The following KANSL1L variants were observed in gnomAD, a reference collection of about 807,000 sequenced individuals.
KANSL1L encodes the protein KAT8 regulatory NSL complex subunit 1-like protein.
KANSL1L carries 25 observed loss-of-function variants against 108.6 expected under a neutral mutation model. That is an observed-to-expected ratio of 0.23 (90% CI 0.17 to 0.32). KANSL1L has a LOEUF of 0.32. Ranked by LOEUF, KANSL1L falls within the 10% of genes least tolerant of loss-of-function variation. KANSL1L has a pLI of 1.00. For synonymous variants in KANSL1L, 405 were observed against 395.1 expected, an observed-to-expected ratio of 1.03 and a Z score of -0.30; for missense variants, 1,137 against 1,125.7, an observed-to-expected ratio of 1.01 and a Z score of -0.14.
intron 2 of KANSL1L, among the ~76,000 whole-genome samples, chr2:210,147,297 A>C (rs1365874493): frequency 6.6e-6 from 1 of 152,078 alleles, no homozygotes; most frequent in East Asian, 1.9e-4. Context: ...TTGTCTCTAC[A>C]AAAAAATTTT....
At chr2:210,050,878 G>T (rs965601829) in intron 6 of KANSL1L, among the ~76,000 whole-genome samples, 1 of 151,862 alleles carries the variant, frequency 6.6e-6, no homozygotes, top group Non-Finnish European at 1.5e-5. Context: ...TGAGTAGCTG[G>T]GACTATAGGT....
At position 210,135,580 on chromosome 2, in the gene KANSL1L, C is replaced by G. The variant is rs546076262; in HGVS notation, c.1089-6408G>C. 3.8e-4 allele frequency among the ~76,000 whole-genome samples: 58 copies of G among 152,158 alleles called. 1 individual carries two copies. In the South Asian group the frequency reaches 0.011, roughly 29 times the overall value. On this transcript the variant is annotated intron_variant, in intron 2 of 14. Transcript: ENST00000281772. ...GGCCATTATAAATGATTGGGTTTAT[C>G]ATTAAAAATGACTGAATATGGAAAT...
At chr2:210,026,223 C>CTGGACATAGAAAGATTGTTA (rs2093935038) in intron 12 of KANSL1L, among the ~76,000 whole-genome samples, 1 of 152,158 alleles carries the variant, frequency 6.6e-6, no homozygotes, top group Non-Finnish European at 1.5e-5. Flanking sequence ...AACATGACCA[C>CTGGACATAGAAAGATTGTTA]TGGACATAGA....
At chr2:210,107,278 G>A (rs1180408623) in intron 3 of KANSL1L, among the ~76,000 whole-genome samples, 1 of 151,962 alleles carries the variant, frequency 6.6e-6, no homozygotes, top group Admixed American at 6.6e-5. Flanking sequence ...AATTTAAAAT[G>A]TGGAAGCCCC....
chr2:210,081,219 A>ATAT lies in KANSL1L; in HGVS notation c.1551-5466_1551-5464dup, dbSNP rs562780165. Among the ~76,000 whole-genome samples the ATAT allele has an allele frequency of 4.6e-5, 7 of 152,224 alleles. No individual in the cohort carries two copies. The East Asian group carries it at 1.4e-3, about 29-fold the overall frequency. On this transcript the variant is annotated intron_variant, in intron 5 of 14. Coordinates refer to ENST00000281772, the MANE Select transcript of KANSL1L (RefSeq NM_152519.4). ...CAACCTTGACCCAAATAAAGTCTCTATATTAATTCTGCCTCATTTTCTTTC... is the reference window on the plus strand; with the variant it reads ...CAACCTTGACCCAAATAAAGTCTCTATATTATTAATTCTGCCTCATTTTCTTTC...
chr2:210,036,387 G>T (rs1032518241), intron 8 of KANSL1L, among the ~76,000 whole-genome samples: 2 of 151,858 alleles, frequency 1.3e-5, no homozygotes, highest in Non-Finnish European at 2.9e-5. Flanking sequence ...TTACCATGTT[G>T]CCCAGGCTGG....
At chr2:210,119,117 G>A (rs578193671) in intron 3 of KANSL1L, among the ~76,000 whole-genome samples, 1 of 152,012 alleles carries the variant, frequency 6.6e-6, no homozygotes, top group East Asian at 1.9e-4. Flanking sequence ...CTGGGAGGCG[G>A]AGGTTGCAGT....
At chr2:210,160,050 A>G (rs1405335084) in intron 1 of KANSL1L, among the ~76,000 whole-genome samples, 1 of 152,194 alleles carries the variant, frequency 6.6e-6, no homozygotes, top group Non-Finnish European at 1.5e-5. Context: ...AAAAGAAAAC[A>G]ATAACTAAAA....
intron 13 of KANSL1L, 103 bp downstream of exon 13, chr2:210,025,001 A>T (rs1173763195): frequency 2.7e-6 from 2 of 736,092 alleles, no homozygotes; most frequent in Admixed American, 3.9e-5. Flanking sequence ...CTGATGTTAC[A>T]ACAGCATGTT....
At chr2:210,109,293 T>G (rs1047025750) in intron 3 of KANSL1L, among the ~76,000 whole-genome samples, 1 of 152,142 alleles carries the variant, frequency 6.6e-6, no homozygotes, top group Non-Finnish European at 1.5e-5. Context: ...AGATAGAGCC[T>G]AAAATTTATT....
At chr2:210,078,099 C>T (rs1019484940) in intron 5 of KANSL1L, among the ~76,000 whole-genome samples, 5 of 152,254 alleles carry the variant, frequency 3.3e-5, no homozygotes, top group Admixed American at 1.3e-4. Flanking sequence ...AGGCTACAAA[C>T]CTGTAAAACA....
chr2:210,076,630 C>T (rs926336415), intron 5 of KANSL1L, among the ~76,000 whole-genome samples: 1 of 151,632 alleles, frequency 6.6e-6, no homozygotes, highest in African/African-American at 2.4e-5. Context: ...AAATAGATCA[C>T]CTAAGCTACA....
At chr2:210,138,400 C>T (rs773881486) in intron 2 of KANSL1L, among the ~76,000 whole-genome samples, 3 of 151,892 alleles carry the variant, frequency 2.0e-5, no homozygotes, top group Non-Finnish European at 4.4e-5. Context: ...ATCAATCAGA[C>T]CCCAAACTTC....
intron 2 of KANSL1L, among the ~76,000 whole-genome samples, chr2:210,132,567 A>C (rs1306477384): frequency 2.6e-5 from 4 of 152,216 alleles, no homozygotes; most frequent in Non-Finnish European, 5.9e-5. Flanking sequence ...TTGCTAAAAG[A>C]AATGAGTACA....
At position 210,044,094 on chromosome 2, in the gene KANSL1L, G is replaced by A; in HGVS notation, c.1766C>T (p.Ser589Leu). The change falls in exon 7 of 15, where the codon TCA (serine) becomes TTA (leucine). Residue 589 changes from serine to leucine, a missense_variant. Physicochemically the swap from Ser to Leu is moderately radical, Grantham distance 145. Coordinates refer to ENST00000281772, the MANE Select transcript of KANSL1L (RefSeq NM_152519.4). This position sits in a 1 kb window ranked among gnomAD's most constrained non-coding sequence, Gnocchi z 4.2. ...TFYWTPQTLP[S>L]KETAFLNTTQ... ...AGTGTTTAAAAATGCTGTTTCTTTT[G>A]AAGGCAAAGTCTGCAAGGAAAAACC... 6.3e-7 allele frequency: 1 copy of A among 1,581,604 alleles called. No individual in the cohort carries two copies. Among genetic ancestry groups the A allele is most frequent in the Non-Finnish European group, 8.6e-7 (1 of 1,164,766 alleles).
At chr2:210,167,398 C>A (rs1688050480) in intron 1 of KANSL1L, among the ~76,000 whole-genome samples, 1 of 151,996 alleles carries the variant, frequency 6.6e-6, no homozygotes, top group African/African-American at 2.4e-5. Context: ...GATAAAGCCA[C>A]TTGGGTGGCT....
intron 3 of KANSL1L, 46 bp from the exon 4 acceptor site, chr2:210,104,347 A>G: frequency 7.1e-7 from 1 of 1,412,708 alleles, no homozygotes; most frequent in East Asian, 2.3e-5. Context: ...CAAACTTATT[A>G]TTAAGCCACC....
At chr2:210,172,557 A>AT (rs1174188745), upstream of KANSL1L, among the ~76,000 whole-genome samples, 6 of 152,170 alleles carry the variant, frequency 3.9e-5, no homozygotes, top group African/African-American at 1.4e-4. Flanking sequence ...TTGGAGCTAT[A>AT]TTTTTTTAAT....
chr2:210,076,957 A>C (rs2094546992), intron 5 of KANSL1L, among the ~76,000 whole-genome samples: 1 of 152,180 alleles, frequency 6.6e-6, no homozygotes, highest in Non-Finnish European at 1.5e-5. Context: ...TGGTTCAAGT[A>C]GAATTGGTGT....
Sources: allele counts gnomAD v4.1 joint callset (sites outside exome capture counted in the v4.1 genomes callset), GRCh38; gene constraint gnomAD v4.1.1; non-coding constraint Gnocchi (gnomAD v3.1); transcripts MANE v1.5; gene names NCBI Gene and HGNC (gene_info 2026-07-23, HGNC 2026-07-21).